Variants in ITGA7 observed in about 807,000 individuals in gnomAD.
ITGA7 encodes integrin alpha-7.
In ITGA7, 84 loss-of-function variants were observed where a neutral mutation model predicts 131.6. That is an observed-to-expected ratio of 0.64 (90% CI 0.54 to 0.77). ITGA7 has a LOEUF of 0.77. Ranked by LOEUF, ITGA7 falls within the 30% of genes least tolerant of loss-of-function variation. The pLI is 0.00. For missense variants in ITGA7, 1,399 were observed against 1,482.9 expected, an observed-to-expected ratio of 0.94 and a Z score of 0.93; for synonymous variants, 548 against 600.7, an observed-to-expected ratio of 0.91 and a Z score of 1.28.
upstream of ITGA7, among the ~76,000 whole-genome samples, chr12:55,713,454 A>G (rs1206331128): frequency 1.3e-5 from 2 of 152,246 alleles, no homozygotes; most frequent in Non-Finnish European, 2.9e-5. Flanking sequence ...GGTAAGACTC[A>G]GGCTCTGGAG....
Position 55,699,801 on chromosome 12 carries a change from C to T in ITGA7, c.790+69G>A, listed in dbSNP as rs115011054. ...GAGGAGATTATAAGGCACCAAAGGTCGAGTTCCCTGGGGAAGGAGGGGAGG... is the reference window on the plus strand; with the variant it reads ...GAGGAGATTATAAGGCACCAAAGGTTGAGTTCCCTGGGGAAGGAGGGGAGG... On this transcript the variant is annotated intron_variant, in intron 5 of 24. Transcript: ENST00000257879. The T allele has an allele frequency of 1.7e-3, 2,606 of 1,548,516 alleles. 35 individuals are homozygous for T. The African/African-American group carries it at 0.032, about 19-fold the overall frequency.
intron 19 of ITGA7, among the ~76,000 whole-genome samples, 168 bp from the exon 20 acceptor site, chr12:55,693,485 C>A (rs1455741070): frequency 1.3e-5 from 2 of 151,818 alleles, no homozygotes; most frequent in Non-Finnish European, 2.9e-5. Flanking sequence ...CAGGCATGAG[C>A]CACCGTGCCC....
At chr12:55,703,233 C>T in intron 1 of ITGA7, 55 bp from the exon 2 acceptor site, 1 of 1,590,418 alleles carries the variant, frequency 6.3e-7, no homozygotes, top group South Asian at 1.1e-5. Context: ...TCAGAATGAC[C>T]CAATCTCATT....
rs778933390 is a variant in ITGA7 at position 55,707,521 on chromosome 12, G to A, written c.162C>T (p.Phe54=). 2 of 1,613,794 alleles carry A rather than the reference G, an allele frequency of 1.2e-6. No homozygotes were observed. Among genetic ancestry groups the A allele is most frequent in the South Asian group, 1.1e-5 (1 of 91,082 alleles). ...KEGEPGSLFG[F]SVALHRQLQP... ...GCAACTGCCGGTGCAGGGCCACAGA[G>A]AAGCCGAAGAGGCTGCCTGGCTCGC... The change falls in exon 1 of 25, where the codon TTC becomes TTT. Residue 54 remains phenylalanine (F), a synonymous_variant. Transcript: ENST00000257879.
chr12:55,701,433 G>A, intron 3 of ITGA7: 1 of 1,551,648 alleles, frequency 6.4e-7, no homozygotes, highest in Non-Finnish European at 8.7e-7. Context: ...GGAGCCAAAA[G>A]ACACAATTAA....
At chr12:55,700,077 A>T (rs1437993634) in intron 4 of ITGA7, 88 bp from the exon 5 acceptor site, 2 of 1,531,364 alleles carry the variant, frequency 1.3e-6, no homozygotes, top group East Asian at 4.5e-5. Context: ...AAGGCCAGAA[A>T]ATGGTGGAAG....
At chr12:55,689,272 G>C (rs1487841519) in intron 21 of ITGA7, among the ~76,000 whole-genome samples, 1 of 152,184 alleles carries the variant, frequency 6.6e-6, no homozygotes, top group Non-Finnish European at 1.5e-5. Context: ...TCTCACTTAA[G>C]CTTCGCAATA....
intron 2 of ITGA7, 34 bp downstream of exon 2, chr12:55,703,017 A>G (rs768117729): frequency 1.9e-6 from 3 of 1,613,608 alleles, no homozygotes; most frequent in East Asian, 2.2e-5. Flanking sequence ...CCCCGCTCAC[A>G]CGCTTCCCCC....
At chr12:55,710,213 T>C (rs977425374), upstream of ITGA7, among the ~76,000 whole-genome samples, 1 of 151,810 alleles carries the variant, frequency 6.6e-6, no homozygotes, top group Admixed American at 6.6e-5. Flanking sequence ...ATACAAAAAT[T>C]AGCCGGGTGT....
rs1875555496 is a variant in ITGA7 at position 55,707,783 on chromosome 12, T to C, written c.-101A>G. ...GCGTCTCTGGTCTCCAAAGTCTCGT[T>C]GGTCTTTCAGACGTCTCCCAGACGT... On this transcript the variant is annotated 5_prime_UTR_variant, in exon 1 of 25. Transcript: ENST00000257879. The C allele has an allele frequency of 3.3e-6, 5 of 1,531,934 alleles. No individual in the cohort carries two copies. Among genetic ancestry groups the C allele is most frequent in the Non-Finnish European group, 4.4e-6 (5 of 1,139,136 alleles). 94.9% of individuals were successfully genotyped at this position (1,531,934 alleles called of 1,614,324 possible). A position where few individuals can be genotyped will look rare whatever the true frequency, so the allele number is the denominator to read the frequency against.
At chr12:55,700,089 A>G (rs1873636503) in intron 4 of ITGA7, 100 bp from the exon 5 acceptor site, 6 of 1,499,274 alleles carry the variant, frequency 4.0e-6, no homozygotes, top group African/African-American at 1.4e-5. Context: ...TGGTGGAAGA[A>G]GAAGAGGTGG....
At chr12:55,692,678 G>C (rs1454249919) in intron 21 of ITGA7, among the ~76,000 whole-genome samples, 166 bp downstream of exon 21, 1 of 152,180 alleles carries the variant, frequency 6.6e-6, no homozygotes, top group Non-Finnish European at 1.5e-5. Flanking sequence ...TGAGCAGGAA[G>C]GGGGTCTGCA....
At position 55,698,492 on chromosome 12, in the gene ITGA7, CT is replaced by C. The variant is rs779296415; in HGVS notation, c.1082del (p.Gln361ArgfsTer145). On this transcript the variant is annotated frameshift_variant, in exon 7 of 25. Coordinates refer to ENST00000257879, the MANE Select transcript of ITGA7 (RefSeq NM_002206.3). LOFTEE classifies it high-confidence loss of function. ...GGGAGATCCCAGCCCAGTGACCCCC[CT>C]GGTTCAAGTACACATACACAGCACC... ...LGGAVYVYLNQGGHWAGISPL... is the reference protein window; with the variant it reads ...LGGAVYVYLNXGGHWAGISPL... The C allele has an allele frequency of 2.5e-6, 4 of 1,614,082 alleles. No individual in the cohort carries two copies. Among genetic ancestry groups the C allele is most frequent in the Non-Finnish European group, 3.4e-6 (4 of 1,179,958 alleles).
rs886049671 is a variant in ITGA7 at position 55,707,866 on chromosome 12, G to A, written c.-184C>T. ...TCCGCCACCCCGCCGCCCCAGCACCGGCTAGGACAACTACAGCAGCCGCAG... is the reference window on the plus strand; with the variant it reads ...TCCGCCACCCCGCCGCCCCAGCACCAGCTAGGACAACTACAGCAGCCGCAG... On this transcript the variant is annotated 5_prime_UTR_variant, in exon 1 of 25. Transcript: ENST00000257879. 239 of 1,374,214 alleles carry A rather than the reference G, an allele frequency of 1.7e-4. 1 individual carries two copies. The African/African-American group carries it at 3.9e-3, about 22-fold the overall frequency. 85.1% of individuals were successfully genotyped at this position (1,374,214 alleles called of 1,614,324 possible).
At chr12:55,699,770 G>A in intron 5 of ITGA7, 100 bp downstream of exon 5, 1 of 1,402,506 alleles carries the variant, frequency 7.1e-7, no homozygotes, top group Non-Finnish European at 9.9e-7. Context: ...GTGTGTGTTG[G>A]GGGAGGAGGA....
At chr12:55,699,678 AC>A (rs1352784244) in intron 5 of ITGA7, 191 bp downstream of exon 5, 1 of 701,276 alleles carries the variant, frequency 1.4e-6, no homozygotes, top group Non-Finnish European at 2.4e-6. Context: ...AGAGGCCACC[AC>A]CCTGGGGGCC....
chr12:55,708,372 A>G (rs1016335367), upstream of ITGA7, among the ~76,000 whole-genome samples: 15 of 151,018 alleles, frequency 9.9e-5, no homozygotes, highest in Middle Eastern at 3.5e-3. Flanking sequence ...CACATAGAGC[A>G]CTCTTTCTGC....
intron 14 of ITGA7, 65 bp from the exon 15 acceptor site, chr12:55,695,035 T>A: frequency 2.7e-6 from 4 of 1,507,388 alleles, no homozygotes; most frequent in Middle Eastern, 1.7e-4. Flanking sequence ...CCCCGCCCAG[T>A]CTGCTCCCCC....
chr12:55,710,675 G>A (rs116830042), upstream of ITGA7, among the ~76,000 whole-genome samples: 2,254 of 150,612 alleles, frequency 0.015, 59 homozygotes, highest in African/African-American at 0.052. Context: ...AGGCGGGAGT[G>A]TCACTTGAGC....
Sources: gnomAD v4.1 joint callset for allele counts (sites outside exome capture counted in the v4.1 genomes callset) on GRCh38, gnomAD v4.1.1 for gene constraint, MANE v1.5 for transcripts, NCBI Gene and HGNC (gene_info 2026-07-23, HGNC 2026-07-21) for gene names.